The following TMEM117 variants were observed in gnomAD, a reference collection of about 807,000 sequenced individuals.
The protein encoded by TMEM117 is transmembrane protein 117.
A neutral mutation model predicts 52.4 loss-of-function variants in TMEM117; 27 were observed. The ratio of observed to expected loss-of-function variants is 0.51; its 90% CI spans 0.38 to 0.71. The LOEUF (loss-of-function observed/expected upper bound fraction) is 0.71. Among genes scored for constraint, TMEM117 ranks in the 30% least tolerant of loss-of-function variants. TMEM117 has a pLI of 0.00. For synonymous variants in TMEM117, 215 were observed against 206.3 expected (o/e 1.04, Z -0.36); for missense variants, 556 against 630.5 (o/e 0.88, Z 1.26).
At chr12:43,867,821 G>A (rs546403134) in intron 2 of TMEM117, among the ~76,000 whole-genome samples, 27 of 152,190 alleles carry the variant, frequency 1.8e-4, no homozygotes, top group Non-Finnish European at 2.9e-4. Context: ...AGGCATAATC[G>A]TAGGTAGATA....
At chr12:43,796,107 G>A in the TMEM117 span, among the ~76,000 whole-genome samples, 1 of 152,148 alleles carries the variant, frequency 6.6e-6, no homozygotes, top group African/African-American at 2.4e-5. Context: ...CCCTCTACAA[G>A]AGAGGTAAAC....
intron 2 of TMEM117, among the ~76,000 whole-genome samples, chr12:43,868,207 C>G (rs1181104130): frequency 6.6e-6 from 1 of 150,872 alleles, no homozygotes; most frequent in African/African-American, 2.4e-5. Flanking sequence ...CCCCGCCCCC[C>G]GCCAATTCTC....
At chr12:43,886,745 G>T (rs975142351) in intron 2 of TMEM117, among the ~76,000 whole-genome samples, 4 of 152,134 alleles carry the variant, frequency 2.6e-5, no homozygotes, top group African/African-American at 4.8e-5. Flanking sequence ...ATTAAGCCTA[G>T]TACCCATTAA....
At chr12:44,063,037 G>A (rs1947163675) in intron 3 of TMEM117, among the ~76,000 whole-genome samples, 1 of 152,116 alleles carries the variant, frequency 6.6e-6, no homozygotes, top group Admixed American at 6.5e-5. Flanking sequence ...GCTGTACGGA[G>A]ACACACAATG....
the TMEM117 span, chr12:43,806,122 C>T: frequency 6.6e-7 from 1 of 1,526,090 alleles, no homozygotes; most frequent in South Asian, 1.2e-5. Flanking sequence ...ACTTCCGGAG[C>T]TCCCGGCCCG....
At chr12:44,376,455 C>T in intron 6 of TMEM117, 140 bp from the exon 7 acceptor site, 1 of 987,014 alleles carries the variant, frequency 1.0e-6, no homozygotes, top group Non-Finnish European at 1.6e-6. Flanking sequence ...ATAACCATCA[C>T]AGAATGAAAC....
the TMEM117 span, chr12:43,804,521 C>A: frequency 6.2e-7 from 1 of 1,600,640 alleles, no homozygotes; most frequent in South Asian, 1.1e-5. Context: ...TTTCAGAAGT[C>A]TGTACTTTCC....
intron 2 of TMEM117, among the ~76,000 whole-genome samples, chr12:43,897,329 T>G (rs374601038): frequency 9.5e-6 from 1 of 105,394 alleles, no homozygotes; most frequent in Non-Finnish European, 2.0e-5. Flanking sequence ...TTTTTTTTTT[T>G]GAGACAGAGT....
chr12:44,089,553 A>G (rs1297996002), intron 3 of TMEM117, among the ~76,000 whole-genome samples: 1 of 151,998 alleles, frequency 6.6e-6, no homozygotes, highest in Non-Finnish European at 1.5e-5. Flanking sequence ...TGGCTTCTGT[A>G]TTGTCCCACC....
At chr12:44,279,756 C>T (rs530177134) in intron 5 of TMEM117, among the ~76,000 whole-genome samples, 7 of 152,228 alleles carry the variant, frequency 4.6e-5, no homozygotes, top group Admixed American at 1.3e-4. Context: ...TCAGGTGATC[C>T]GCCCACCCTG....
intron 5 of TMEM117, among the ~76,000 whole-genome samples, chr12:44,231,210 G>T (rs1949928165): frequency 6.6e-6 from 1 of 151,780 alleles, no homozygotes; most frequent in South Asian, 2.1e-4. Flanking sequence ...AAGCAATACA[G>T]TTCAATTCTT....
intron 2 of TMEM117, among the ~76,000 whole-genome samples, chr12:43,892,966 A>G (rs539373489): frequency 3.3e-5 from 5 of 152,348 alleles, no homozygotes; most frequent in Non-Finnish European, 7.3e-5. Flanking sequence ...TCTAGGCAGA[A>G]GGAATAGCAA....
At chr12:44,101,510 T>G (rs1947860406) in intron 3 of TMEM117, among the ~76,000 whole-genome samples, 1 of 151,914 alleles carries the variant, frequency 6.6e-6, no homozygotes, top group South Asian at 2.1e-4. Flanking sequence ...CTGGTTTACT[T>G]CCGGAGACTC....
At chr12:44,387,878 C>A (rs529591424) in intron 7 of TMEM117, 148 bp from the exon 8 acceptor site, 7 of 763,212 alleles carry the variant, frequency 9.2e-6, no homozygotes, top group Non-Finnish European at 1.0e-5. Context: ...CACTTAATGG[C>A]AGCACAGCAC....
chr12:44,342,705 T>C (rs1033366621), intron 6 of TMEM117, among the ~76,000 whole-genome samples: 1 of 151,648 alleles, frequency 6.6e-6, no homozygotes, highest in Admixed American at 6.6e-5. Context: ...TTTGGTTACC[T>C]AAATTATTGT....
chr12:43,897,867 C>A (rs189267525), intron 2 of TMEM117, among the ~76,000 whole-genome samples: 1 of 152,120 alleles, frequency 6.6e-6, no homozygotes, highest in East Asian at 1.9e-4. Context: ...CCAGCTTTGG[C>A]CTTCCAAAAT....
chr12:44,132,427 C>T (rs1246152572), intron 3 of TMEM117, among the ~76,000 whole-genome samples: 1 of 151,946 alleles, frequency 6.6e-6, no homozygotes, highest in Admixed American at 6.6e-5. Flanking sequence ...ACCTGGTGGC[C>T]TAACAACTCA....
At chr12:44,063,606 A>T (rs929926123) in intron 3 of TMEM117, among the ~76,000 whole-genome samples, 6 of 149,610 alleles carry the variant, frequency 4.0e-5, no homozygotes, top group South Asian at 4.2e-4. Context: ...TCCTAATGCT[A>T]TCCCTCCCGC....
the TMEM117 span, among the ~76,000 whole-genome samples, chr12:43,812,310 T>A: frequency 2.6e-5 from 4 of 152,188 alleles, no homozygotes; most frequent in African/African-American, 9.6e-5. Flanking sequence ...CTCTCTGGCC[T>A]TTCATTTCAG....
Sources: allele counts gnomAD v4.1 joint callset (sites outside exome capture counted in the v4.1 genomes callset), GRCh38; gene constraint gnomAD v4.1.1; transcripts MANE v1.5; gene names NCBI Gene and HGNC (gene_info 2026-07-23, HGNC 2026-07-21).